Variants in PTPRN2 observed in about 807,000 individuals in gnomAD.
PTPRN2 encodes protein tyrosine phosphatase receptor type N2.
A neutral mutation model predicts 118.8 loss-of-function variants in PTPRN2; 74 were observed. That is an observed-to-expected ratio of 0.62 (90% CI 0.52 to 0.76). PTPRN2 has a LOEUF of 0.76. Among genes scored for constraint, PTPRN2 ranks in the 30% least tolerant of loss-of-function variants. The pLI, the probability that PTPRN2 is intolerant of heterozygous loss-of-function variation, is 0.00. For missense variants in PTPRN2, 1,481 were observed against 1,394.4 expected (o/e 1.06, Z -0.99); for synonymous variants, 641 against 608.0 (o/e 1.05, Z -0.80).
intron 2 of PTPRN2, among the ~76,000 whole-genome samples, chr7:158,343,258 C>T (rs890305948): frequency 6.6e-6 from 1 of 152,180 alleles, no homozygotes; most frequent in Non-Finnish European, 1.5e-5. Flanking sequence ...GTAGACTTTT[C>T]TCCAGAGAAG....
At chr7:158,279,025 G>A (rs1004157598) in intron 3 of PTPRN2, among the ~76,000 whole-genome samples, 4 of 152,154 alleles carry the variant, frequency 2.6e-5, no homozygotes, top group Admixed American at 1.3e-4. Flanking sequence ...GACGTAGTGA[G>A]GACCCAAAGA....
chr7:157,705,576 C>G (rs1178834413), intron 12 of PTPRN2, among the ~76,000 whole-genome samples: 3 of 152,002 alleles, frequency 2.0e-5, no homozygotes, highest in Non-Finnish European at 4.4e-5. Flanking sequence ...CAGGTGCCTT[C>G]CGGATCAATG....
chr7:157,572,085 G>A (rs1419696455), intron 19 of PTPRN2, among the ~76,000 whole-genome samples: 1 of 152,132 alleles, frequency 6.6e-6, no homozygotes, highest in African/African-American at 2.4e-5. Flanking sequence ...TCATTGTGCA[G>A]AGTTTAGATC....
chr7:157,547,642 C>T (rs2116989547), intron 22 of PTPRN2, among the ~76,000 whole-genome samples: 1 of 152,212 alleles, frequency 6.6e-6, no homozygotes, highest in South Asian at 2.1e-4. Flanking sequence ...ACAGTCCCAG[C>T]TTCTCCCCGC....
intron 1 of PTPRN2, among the ~76,000 whole-genome samples, chr7:158,578,582 G>A (rs1186089155): frequency 6.7e-6 from 1 of 149,830 alleles, no homozygotes. Context: ...TGTATACGCA[G>A]GTTTGTTACG....
intron 1 of PTPRN2, among the ~76,000 whole-genome samples, chr7:158,542,547 G>A (rs1265060263): frequency 6.6e-6 from 1 of 152,248 alleles, no homozygotes; most frequent in Non-Finnish European, 1.5e-5. Context: ...CCAAAGCGCA[G>A]AAGGGATGTG....
intron 12 of PTPRN2, among the ~76,000 whole-genome samples, chr7:157,810,267 C>T (rs1805906284): frequency 6.6e-6 from 1 of 152,262 alleles, no homozygotes; most frequent in Admixed American, 6.5e-5. Flanking sequence ...AGCGCACCAT[C>T]CCCCGTGATC....
chr7:158,086,935 G>A (rs552378754), intron 10 of PTPRN2, among the ~76,000 whole-genome samples: 1 of 152,314 alleles, frequency 6.6e-6, no homozygotes, highest in East Asian at 1.9e-4. Flanking sequence ...GAGGATGGGA[G>A]CACTGGAGCT....
chr7:158,222,583 G>A (rs1194657484), intron 3 of PTPRN2, among the ~76,000 whole-genome samples: 1 of 152,118 alleles, frequency 6.6e-6, no homozygotes, highest in African/African-American at 2.4e-5. Context: ...AAGGCAGAGG[G>A]TGGGAGGAAG....
chr7:157,800,906 C>CA (rs1805236237), intron 12 of PTPRN2, among the ~76,000 whole-genome samples: 1 of 151,410 alleles, frequency 6.6e-6, no homozygotes, highest in South Asian at 2.1e-4. Context: ...GAGCCGAGAT[C>CA]GCACCACTGC....
intron 11 of PTPRN2, among the ~76,000 whole-genome samples, chr7:157,930,326 C>T (rs907682408): frequency 1.3e-5 from 2 of 152,294 alleles, no homozygotes; most frequent in South Asian, 2.1e-4. Context: ...TTATCACAAA[C>T]GTTGCATAAT....
At chr7:157,576,075 A>G (rs1328381888) in intron 19 of PTPRN2, among the ~76,000 whole-genome samples, 1 of 152,174 alleles carries the variant, frequency 6.6e-6, no homozygotes, top group East Asian at 1.9e-4. Context: ...CTCAAACCAG[A>G]CAACGTATTG....
intron 11 of PTPRN2, among the ~76,000 whole-genome samples, chr7:158,054,102 G>A (rs539398345): frequency 2.4e-3 from 368 of 151,978 alleles, no homozygotes; most frequent in African/African-American, 7.9e-3. Flanking sequence ...CTCCAGAGAC[G>A]GAGAGACCCC....
chr7:158,584,856 C>T (rs1216303829), intron 1 of PTPRN2, among the ~76,000 whole-genome samples: 2 of 152,206 alleles, frequency 1.3e-5, no homozygotes, highest in Non-Finnish European at 2.9e-5. Context: ...CAAGACAAGG[C>T]ATCCTATATA....
chr7:158,387,978 ATCTATTTATACACACACATC>A (rs1563230865), intron 2 of PTPRN2, among the ~76,000 whole-genome samples: 4 of 152,096 alleles, frequency 2.6e-5, no homozygotes, highest in Admixed American at 6.5e-5. Flanking sequence ...ACACACATAT[ATCTATTTATACACACACATC>A]TCTATTTATA....
At chr7:157,756,922 G>A (rs1801814988) in intron 12 of PTPRN2, among the ~76,000 whole-genome samples, 1 of 152,112 alleles carries the variant, frequency 6.6e-6, no homozygotes, top group Non-Finnish European at 1.5e-5. Flanking sequence ...AGCACATGAA[G>A]AAGAAAAAGT....
chr7:157,871,590 G>A (rs1481422901), intron 12 of PTPRN2, among the ~76,000 whole-genome samples: 5 of 152,058 alleles, frequency 3.3e-5, no homozygotes, highest in Non-Finnish European at 5.9e-5. Context: ...GGACTCACTG[G>A]CACAACTTCA....
chr7:158,587,637 T>G lies in PTPRN2; in HGVS notation c.33A>C (p.Leu11=). The change falls in exon 1 of 23, where the codon CTA becomes CTC. Residue 11 remains leucine (L), a synonymous_variant. Coordinates refer to ENST00000389418, the MANE Select transcript of PTPRN2 (RefSeq NM_002847.5). ...GGACGCGTGGCGGCAGCAGCAGCAG[T>G]AGCAGCAGCAGCAGCGGGAGCGGCG... The part of the protein sequence containing the change: MGPPLPLLLL[L]LLLLPPRVLP... 1 of 1,363,160 alleles carries G rather than the reference T, an allele frequency of 7.3e-7. No individual in the cohort carries two copies. The allele number at this position is 1,363,160 out of a possible 1,614,324, so 84.4% of individuals were successfully genotyped here.
chr7:158,186,094 C>T (rs780947316), intron 5 of PTPRN2, among the ~76,000 whole-genome samples: 2 of 152,204 alleles, frequency 1.3e-5, no homozygotes, highest in African/African-American at 2.4e-5. Flanking sequence ...TGCAGACACT[C>T]GCTTTGCACA....
Sources: allele counts gnomAD v4.1 joint callset (sites outside exome capture counted in the v4.1 genomes callset), GRCh38; gene constraint gnomAD v4.1.1; transcripts MANE v1.5; gene names NCBI Gene and HGNC (gene_info 2026-07-23, HGNC 2026-07-21).